The following RHBG variants were observed in gnomAD, a reference collection of about 807,000 sequenced individuals.
RHBG encodes the protein ammonium transporter Rh type B.
In RHBG, 39 loss-of-function variants were observed where a neutral mutation model predicts 40.1. That is an observed-to-expected ratio of 0.97 (90% confidence interval 0.75 to 1.27). RHBG has a LOEUF of 1.27. RHBG is among the 50% of genes most tolerant of loss of function. The pLI is 0.00. For synonymous variants in RHBG, 237 were observed against 252.5 expected, an observed-to-expected ratio of 0.94 and a Z score of 0.58; for missense variants, 549 against 588.1, an observed-to-expected ratio of 0.93 and a Z score of 0.69.
At chr1:156,383,046 T>A (rs1383447049) in intron 8 of RHBG, among the ~76,000 whole-genome samples, 177 bp downstream of exon 8, 3 of 152,216 alleles carry the variant, frequency 2.0e-5, no homozygotes, top group African/African-American at 4.8e-5. Context: ...AGGTGCTTGC[T>A]CCTTTCTGGT....
rs2101782670 is a variant in RHBG at position 156,378,067 on chromosome 1, AG to A, written c.453del (p.Gln151HisfsTer26). On this transcript the variant is annotated frameshift_variant, in exon 3 of 10. Transcript: ENST00000537040. LOFTEE classifies it high-confidence loss of function. ...GTCCTGGGCAAGACCGGGCCTACCC[AG>A]CTGCTGCTCATGGCCCTGCTGGAGG... is the stretch of plus-strand genomic sequence containing the variant. ...GAVLGKTGPTQLLLMALLEVV... is the reference protein window; with the variant it reads ...GAVLGKTGPTXLLLMALLEVV... 2 of 1,608,052 alleles carry A rather than the reference AG, an allele frequency of 1.2e-6. No individual in the cohort carries two copies. Among genetic ancestry groups the A allele is most frequent in the East Asian group, 4.5e-5 (2 of 44,806 alleles).
In RHBG at chr1:156,382,116, A is replaced by T; in HGVS notation, c.1027A>T (p.Asn343Tyr). Residue 343 changes from asparagine to tyrosine, a missense_variant, in exon 7 of 10, where the codon AAC becomes TAC. Physicochemically the swap from Asn to Tyr is moderately radical, Grantham distance 143. Around this residue, in one of 3 missense-constraint regions of RHBG, gnomAD observed 399 missense variants for 417.0 expected, o/e 0.96. Coordinates refer to ENST00000537040, the MANE Select transcript of RHBG (RefSeq NM_020407.5). ...FKVQDTCGVH[N>Y]LHGMPGVLGA... Reference sequence around the variant, plus strand: ...AGTCCAAGACACATGTGGAGTCCACAACCTCCATGGGATGCCGGGGGTCCT... The same window carrying T: ...AGTCCAAGACACATGTGGAGTCCACTACCTCCATGGGATGCCGGGGGTCCT... 1 of 1,613,860 alleles carries T rather than the reference A, an allele frequency of 6.2e-7. No individual in the cohort carries two copies.
intron 7 of RHBG, 184 bp downstream of exon 7, chr1:156,382,385 G>A: frequency 2.6e-6 from 2 of 754,994 alleles, no homozygotes; most frequent in East Asian, 2.7e-5. Flanking sequence ...TCTATCAAGT[G>A]CAGCAGAAGG....
At chr1:156,372,582 T>C (rs1320051641) in intron 1 of RHBG, among the ~76,000 whole-genome samples, 1 of 152,100 alleles carries the variant, frequency 6.6e-6, no homozygotes, top group Non-Finnish European at 1.5e-5. Flanking sequence ...AGGACCAGAG[T>C]GGCTTGTGAT....
At chr1:156,378,998 T>A (rs1415360371) in intron 4 of RHBG, among the ~76,000 whole-genome samples, 1 of 144,118 alleles carries the variant, frequency 6.9e-6, no homozygotes, top group East Asian at 2.0e-4. Flanking sequence ...TTCTTCTTCT[T>A]TTTTTTTTTT....
rs763388043 is a variant in RHBG, at chr1:156,376,049, A to ATAT, written c.188-1247_188-1245dup. Among the ~76,000 whole-genome samples the ATAT allele has an allele frequency of 2.2e-4, 34 of 152,122 alleles. No individual in the cohort carries two copies. The East Asian group carries it at 6.4e-3, about 29-fold the overall frequency. Reference sequence around the variant, plus strand: ...TGTGAGCCACTGTACCCAGCCTTATATATTATTTTTATCGGTTTAGCTTTT... The same window carrying ATAT: ...TGTGAGCCACTGTACCCAGCCTTATATATTATTATTTTTATCGGTTTAGCTTTT... On this transcript the variant is annotated intron_variant, in intron 1 of 9. Transcript: ENST00000537040.
At chr1:156,378,894 C>T (rs2101787686) in intron 4 of RHBG, among the ~76,000 whole-genome samples, 1 of 152,308 alleles carries the variant, frequency 6.6e-6, no homozygotes, top group African/African-American at 2.4e-5. Context: ...AGCCCCTGCA[C>T]TCTCAGGCAG....
chr1:156,381,293 C>A (rs1230330257), intron 4 of RHBG, 54 bp from the exon 5 acceptor site: 5 of 1,581,628 alleles, frequency 3.2e-6, no homozygotes, highest in Admixed American at 1.7e-5. Context: ...CAACTTGTAC[C>A]TTGCGTGGGA....
chr1:156,379,104 C>T (rs1160930391), intron 4 of RHBG, among the ~76,000 whole-genome samples: 3 of 151,882 alleles, frequency 2.0e-5, no homozygotes, highest in African/African-American at 7.3e-5. Context: ...AAGCAATTCT[C>T]CTGCCTCATC....
At position 156,382,148 on chromosome 1, in the gene RHBG, C is replaced by T. The variant is rs1557805701; in HGVS notation, c.1059C>T (p.Ala353=). ...ATGGGATGCCGGGGGTCCTGGGGGC[C>T]CTCCTGGGGGTCCTTGTGGCTGGAC... is the stretch of plus-strand genomic sequence containing the variant. ...NLHGMPGVLG[A]LLGVLVAGLA... The change falls in exon 7 of 10, where the codon GCC becomes GCT. Residue 353 remains alanine, a synonymous_variant. Transcript: ENST00000537040. 3.7e-6 allele frequency: 6 copies of T among 1,613,922 alleles called. No individual in the cohort carries two copies. Among genetic ancestry groups the T allele is most frequent in the Admixed American group, 1.7e-5 (1 of 59,972 alleles).
intron 1 of RHBG, among the ~76,000 whole-genome samples, chr1:156,375,896 T>C (rs1283364075): frequency 6.6e-6 from 1 of 151,978 alleles, no homozygotes; most frequent in South Asian, 2.1e-4. Flanking sequence ...CATGCCACCA[T>C]GCCAAGCTGA....
rs967760514 is a variant in RHBG, at chr1:156,369,417, A to C, written c.168A>C (p.Glu56Asp). ...HRSNHSNADN[E>D]FYFRYPSFQD... ...GCAACCACAGTAACGCGGACAATGA[A>C]TTTTACTTTCGCTACCCAAGTGAGT... The change falls in exon 1 of 10, where the codon GAA (glutamate) becomes GAC (aspartate). Residue 56 changes from glutamate (E) to aspartate (D), a missense_variant. Transcript: ENST00000537040. 1.2e-6 allele frequency: 2 copies of C among 1,613,038 alleles called. No individual in the cohort carries two copies. The highest frequency in any genetic ancestry group is 1.7e-6 in the Non-Finnish European group (2 of 1,179,510).
At chr1:156,383,465 G>A (rs556071716) in intron 8 of RHBG, among the ~76,000 whole-genome samples, 6 of 152,298 alleles carry the variant, frequency 3.9e-5, no homozygotes, top group Non-Finnish European at 7.3e-5. Flanking sequence ...TAGTAGAGAC[G>A]GGGTTTCGCC....
Position 156,377,623 on chromosome 1 carries a change from C to T in RHBG, c.374+136C>T. On this transcript the variant is annotated intron_variant, in intron 2 of 9. Coordinates refer to ENST00000537040, the MANE Select transcript of RHBG (RefSeq NM_020407.5). This position sits in a 1 kb window ranked among gnomAD's most constrained non-coding sequence, Gnocchi z 4.6. ...GGCGTCACTTGGTTTCTCTAGGTGTCCTGCCTGTCCTTATTGCCTGACTTC... is the reference window on the plus strand; with the variant it reads ...GGCGTCACTTGGTTTCTCTAGGTGTTCTGCCTGTCCTTATTGCCTGACTTC... The T allele has an allele frequency of 1.1e-6, 1 of 879,740 alleles. No homozygotes were observed. Among genetic ancestry groups the T allele is most frequent in the South Asian group, 1.8e-5 (1 of 55,846 alleles). The allele number at this position is 879,740 out of a possible 1,614,324, so 54.5% of individuals were successfully genotyped here.
chr1:156,375,431 C>T (rs1667125523), intron 1 of RHBG, among the ~76,000 whole-genome samples: 1 of 148,354 alleles, frequency 6.7e-6, no homozygotes, highest in South Asian at 2.1e-4. Flanking sequence ...TAACTCATTT[C>T]CTATCTGCCC....
chr1:156,377,922 G>T lies in RHBG; in HGVS notation c.375-68G>T. On this transcript the variant is annotated intron_variant, in intron 2 of 9. Transcript: ENST00000537040. The surrounding 1 kb of genome is among the most constrained non-coding windows in gnomAD (Gnocchi z 4.6). ...CCACATCATGCTGTCCTGGCTTCATGCCAGGCAGGAACCCCGAGGCCAGCC... is the reference window on the plus strand; with the variant it reads ...CCACATCATGCTGTCCTGGCTTCATTCCAGGCAGGAACCCCGAGGCCAGCC... 8.3e-5 allele frequency: 92 copies of T among 1,106,372 alleles called. No homozygotes were observed. Among genetic ancestry groups the T allele is most frequent in the Non-Finnish European group, 9.5e-5 (74 of 778,634 alleles). The allele number at this position is 1,106,372 out of a possible 1,614,324, so 68.5% of individuals were successfully genotyped here. A position where few individuals can be genotyped will look rare whatever the true frequency, so the allele number is the denominator to read the frequency against.
intron 1 of RHBG, 83 bp downstream of exon 1, chr1:156,369,519 G>A: frequency 7.0e-7 from 1 of 1,419,330 alleles, no homozygotes; most frequent in Non-Finnish European, 9.4e-7. Context: ...GGAGCATTTG[G>A]GTGCCCGCAT....
At chr1:156,383,083 G>A (rs557653222) in intron 8 of RHBG, among the ~76,000 whole-genome samples, 1 of 152,196 alleles carries the variant, frequency 6.6e-6, no homozygotes, top group Non-Finnish European at 1.5e-5. Context: ...GAGTCCGCGA[G>A]GGGTGAGCGA....
intron 7 of RHBG, 99 bp downstream of exon 7, chr1:156,382,300 A>G (rs776409102): frequency 1.9e-6 from 3 of 1,569,722 alleles, no homozygotes; most frequent in Non-Finnish European, 8.7e-7. Flanking sequence ...GAATGAATTC[A>G]TTCATTCATC....
Sources: allele counts gnomAD v4.1 joint callset (sites outside exome capture counted in the v4.1 genomes callset), GRCh38; gene constraint gnomAD v4.1.1; regional missense constraint gnomAD v4.1.1; non-coding constraint Gnocchi (gnomAD v3.1); transcripts MANE v1.5; gene names NCBI Gene and HGNC (gene_info 2026-07-23, HGNC 2026-07-21).